FSHR: variants seen among roughly 807,000 people sequenced by gnomAD.
FSHR encodes the protein follicle-stimulating hormone receptor.
A neutral mutation model predicts 52.1 loss-of-function variants in FSHR; 46 were observed. The ratio of observed to expected loss-of-function variants is 0.88; its 90% confidence interval spans 0.70 to 1.13. The LOEUF (loss-of-function observed/expected upper bound fraction) is 1.13, where lower values mean the gene tolerates loss of function less well. Ranked by LOEUF, FSHR falls within the 50% of genes most tolerant of loss-of-function variation. The pLI, the probability that FSHR is intolerant of heterozygous loss-of-function variation, is 0.00. For synonymous variants in FSHR, 399 were observed against 309.6 expected, an observed-to-expected ratio of 1.29 and a Z score of -3.03; for missense variants, 964 against 834.6, an observed-to-expected ratio of 1.16 and a Z score of -1.91.
At chr2:49,038,854 CTA>C (rs1668386955) in intron 2 of FSHR, among the ~76,000 whole-genome samples, 1 of 151,750 alleles carries the variant, frequency 6.6e-6, no homozygotes, top group Non-Finnish European at 1.5e-5. Flanking sequence ...TATAAAGTAA[CTA>C]TAACATAATA....
At chr2:48,997,258 T>A (rs1676064479) in intron 4 of FSHR, 6 of 985,190 alleles carry the variant, frequency 6.1e-6, no homozygotes, top group Non-Finnish European at 7.2e-6. Context: ...CCTGGTTTCT[T>A]GCCTTTTCGA....
chr2:49,147,704 C>T (rs1431786856), intron 1 of FSHR, among the ~76,000 whole-genome samples: 2 of 151,894 alleles, frequency 1.3e-5, no homozygotes, highest in African/African-American at 2.4e-5. Context: ...CAAGGTACTG[C>T]ATTCTATAGC....
At chr2:49,075,048 C>A (rs11125208) in intron 1 of FSHR, among the ~76,000 whole-genome samples, 33,528 of 151,486 alleles carry the variant, frequency 0.22, 3,791 homozygotes, top group East Asian at 0.28. Flanking sequence ...GGTATGGGGA[C>A]GAGAAGGATA....
chr2:49,022,414 G>T (rs1667758804), intron 2 of FSHR, among the ~76,000 whole-genome samples: 1 of 152,018 alleles, frequency 6.6e-6, no homozygotes, highest in South Asian at 2.1e-4. Flanking sequence ...CGAGGGTTGG[G>T]GGCAGGTGAA....
At chr2:49,109,851 A>T (rs747876931) in intron 1 of FSHR, among the ~76,000 whole-genome samples, 1 of 152,176 alleles carries the variant, frequency 6.6e-6, no homozygotes, top group Non-Finnish European at 1.5e-5. Context: ...ATCCTTCTGT[A>T]AAAAAGGGTA....
chr2:48,993,636 C>T (rs988248766), intron 4 of FSHR, among the ~76,000 whole-genome samples: 2 of 152,128 alleles, frequency 1.3e-5, no homozygotes, highest in Non-Finnish European at 2.9e-5. Context: ...GCTGCTAAGG[C>T]TTTAGTTCTT....
At chr2:49,037,473 C>T (rs1251895345) in intron 2 of FSHR, among the ~76,000 whole-genome samples, 3 of 152,028 alleles carry the variant, frequency 2.0e-5, no homozygotes, top group Admixed American at 1.3e-4. Context: ...AATATTTGCA[C>T]TTCAATAAGT....
At chr2:49,021,018 A>T (rs949439563) in intron 2 of FSHR, among the ~76,000 whole-genome samples, 1 of 152,182 alleles carries the variant, frequency 6.6e-6, no homozygotes, top group Admixed American at 6.5e-5. Flanking sequence ...ATGGGTTGAT[A>T]GGTGCAGCAA....
intron 1 of FSHR, among the ~76,000 whole-genome samples, chr2:49,085,647 A>G (rs1670354248): frequency 6.6e-6 from 1 of 152,194 alleles, no homozygotes; most frequent in Non-Finnish European, 1.5e-5. Flanking sequence ...TCATGCTGCT[A>G]TAAAGACACA....
At chr2:49,094,188 C>T (rs1670730471) in intron 1 of FSHR, among the ~76,000 whole-genome samples, 1 of 151,992 alleles carries the variant, frequency 6.6e-6, no homozygotes, top group South Asian at 2.1e-4. Flanking sequence ...TTTTAGAATC[C>T]ACTTAGAATT....
intron 1 of FSHR, among the ~76,000 whole-genome samples, chr2:49,107,102 C>T (rs145603675): frequency 1.7e-3 from 258 of 152,248 alleles, no homozygotes; most frequent in African/African-American, 5.8e-3. Flanking sequence ...TCAAACTCCT[C>T]GCCATTTATG....
chr2:49,071,940 AC>A (rs1669752989), intron 1 of FSHR, among the ~76,000 whole-genome samples: 2 of 152,240 alleles, frequency 1.3e-5, no homozygotes, highest in South Asian at 4.1e-4. Flanking sequence ...TGACACAGTC[AC>A]CTCCCACTAG....
intron 8 of FSHR, 44 bp from the exon 9 acceptor site, chr2:48,968,927 A>G: frequency 6.3e-7 from 1 of 1,577,078 alleles, no homozygotes; most frequent in Non-Finnish European, 8.7e-7. Context: ...CTATGGACCT[A>G]AAACTTTCTG....
intron 4 of FSHR, among the ~76,000 whole-genome samples, chr2:49,012,624 C>T (rs1667314477): frequency 6.6e-6 from 1 of 152,096 alleles, no homozygotes; most frequent in South Asian, 2.1e-4. Flanking sequence ...CTTGTAATCT[C>T]CTGCTTCAGT....
intron 1 of FSHR, among the ~76,000 whole-genome samples, chr2:49,096,304 G>T (rs1434041416): frequency 6.6e-6 from 1 of 152,192 alleles, no homozygotes; most frequent in Non-Finnish European, 1.5e-5. Flanking sequence ...CCTGATAAAT[G>T]ATATAACATA....
At chr2:49,085,655 A>C (rs566097793) in intron 1 of FSHR, among the ~76,000 whole-genome samples, 1 of 152,200 alleles carries the variant, frequency 6.6e-6, no homozygotes, top group African/African-American at 2.4e-5. Context: ...CTATAAAGAC[A>C]CATGCACACG....
intron 1 of FSHR, among the ~76,000 whole-genome samples, chr2:49,131,183 A>G (rs954035404): frequency 6.6e-6 from 1 of 152,226 alleles, no homozygotes; most frequent in South Asian, 2.1e-4. Context: ...TTTATTATTT[A>G]TACTCAGTCC....
At chr2:48,979,448 C>T (rs184717838) in intron 8 of FSHR, among the ~76,000 whole-genome samples, 7 of 152,140 alleles carry the variant, frequency 4.6e-5, no homozygotes, top group African/African-American at 1.7e-4. Context: ...AAACACCCCC[C>T]CAAAACCTAC....
In FSHR at chr2:49,082,255, G is replaced by A. The variant is rs537309185; in HGVS notation, c.153-13965C>T. Reference sequence around the variant, plus strand: ...GGGCAGACTGACACCTCACACAGCCGGGTACTCCAACAGACCTGCAGCTGA... The same window carrying A: ...GGGCAGACTGACACCTCACACAGCCAGGTACTCCAACAGACCTGCAGCTGA... On this transcript the variant is annotated intron_variant, in intron 1 of 9. Coordinates refer to ENST00000406846, the MANE Select transcript of FSHR (RefSeq NM_000145.4). Among the ~76,000 whole-genome samples the A allele has an allele frequency of 5.9e-5, 9 of 152,246 alleles. No individual in the cohort carries two copies. The East Asian group carries it at 7.7e-4, about 13-fold the overall frequency.
Sources: allele counts gnomAD v4.1 joint callset (sites outside exome capture counted in the v4.1 genomes callset), GRCh38; gene constraint gnomAD v4.1.1; transcripts MANE v1.5; gene names NCBI Gene and HGNC (gene_info 2026-07-23, HGNC 2026-07-21).